Variants in SARNP observed in about 807,000 individuals in gnomAD.
SARNP encodes the protein SAP domain containing ribonucleoprotein.
A neutral mutation model predicts 38.1 loss-of-function variants in SARNP; 5 were observed. That is an observed-to-expected ratio of 0.13 (90% CI 0.07 to 0.28). The LOEUF (loss-of-function observed/expected upper bound fraction) is 0.28, where lower values mean the gene tolerates loss of function less well. SARNP is among the 10% of genes least tolerant of loss of function. The pLI, the probability that SARNP is intolerant of heterozygous loss-of-function variation, is 1.00. For missense variants in SARNP, 180 were observed against 243.9 expected (o/e 0.74, Z 1.75); for synonymous variants, 84 against 80.6 (o/e 1.04, Z -0.23).
chr12:55,798,754 C>CT (rs1879890531), intron 4 of SARNP, among the ~76,000 whole-genome samples: 1 of 152,146 alleles, frequency 6.6e-6, no homozygotes, highest in African/African-American at 2.4e-5. Context: ...GAACAAGGTT[C>CT]TAAGTTGATA....
chr12:55,765,428 T>C (rs1327969669), intron 9 of SARNP, among the ~76,000 whole-genome samples: 3 of 152,088 alleles, frequency 2.0e-5, no homozygotes, highest in Non-Finnish European at 2.9e-5. Context: ...CACTGTAATG[T>C]TGAATCCCTG....
Position 55,776,657 on chromosome 12 carries a change from T to C in SARNP, c.501+12418A>G, listed in dbSNP as rs377100295. 8.5e-4 allele frequency among the ~76,000 whole-genome samples: 129 copies of C among 152,278 alleles called. 1 individual carries two copies. The South Asian group carries it at 0.021, about 25-fold the overall frequency. On this transcript the variant is annotated intron_variant, in intron 9 of 10. Transcript: ENST00000336133. ...TACTTGGATTCAGAGAGCTCACATT[T>C]CACCACAGCTGGGGAGAGTATCTGG...
At chr12:55,772,381 G>C (rs1028280033) in intron 9 of SARNP, among the ~76,000 whole-genome samples, 9 of 152,100 alleles carry the variant, frequency 5.9e-5, no homozygotes, top group African/African-American at 1.4e-4. Context: ...TATCTTCACA[G>C]GATTTGAAGC....
At chr12:55,756,681 C>CACTGCTTATGT (rs1282989030), downstream of SARNP, 1 of 152,202 alleles carries the variant, frequency 6.6e-6, no homozygotes, top group African/African-American at 2.4e-5. Flanking sequence ...AACTTGAAGC[C>CACTGCTTATGT]TCCAGTTCCA....
chr12:55,755,811 C>T (rs960553222), downstream of SARNP: 1 of 150,980 alleles, frequency 6.6e-6, no homozygotes, highest in Non-Finnish European at 1.5e-5. Flanking sequence ...AAAATCCTCA[C>T]AAATTGGAAA....
At position 55,760,811 on chromosome 12, in the gene SARNP, A is replaced by G; in HGVS notation, c.502-171T>C. On this transcript the variant is annotated intron_variant, in intron 9 of 10. Coordinates refer to ENST00000336133, the MANE Select transcript of SARNP (RefSeq NM_033082.4). ...GAAACTGAATAAGCTAGCATATACT[A>G]TGTTGTACCTAGAATGACTAAAAAC... 3 of 568,378 alleles carry G rather than the reference A, an allele frequency of 5.3e-6. No homozygotes were observed. The South Asian group carries it at 7.3e-5, about 14-fold the overall frequency. 35.2% of individuals were successfully genotyped at this position (568,378 alleles called of 1,614,324 possible).
At chr12:55,783,807 AT>A (rs1282043019) in intron 9 of SARNP, among the ~76,000 whole-genome samples, 1 of 152,088 alleles carries the variant, frequency 6.6e-6, no homozygotes, top group African/African-American at 2.4e-5. Flanking sequence ...TTAAAAAAAA[AT>A]TAGGCTGCGC....
intron 1 of SARNP, among the ~76,000 whole-genome samples, chr12:55,804,750 A>G (rs1400613810): frequency 6.6e-6 from 1 of 152,108 alleles, no homozygotes; most frequent in Non-Finnish European, 1.5e-5. Context: ...AGCAGGAAAG[A>G]AAGGCTCCAG....
chr12:55,764,887 A>AT (rs1878784076), intron 9 of SARNP, among the ~76,000 whole-genome samples: 1 of 151,568 alleles, frequency 6.6e-6, no homozygotes. Flanking sequence ...GTCCCACCAC[A>AT]TTTTTTACTA....
chr12:55,759,878 T>C (rs931297579), intron 10 of SARNP, among the ~76,000 whole-genome samples: 6 of 152,010 alleles, frequency 3.9e-5, no homozygotes, highest in African/African-American at 1.2e-4. Context: ...GCTGGGACTA[T>C]AGGTGTGTGC....
In SARNP at chr12:55,794,367, G is replaced by A; in HGVS notation, c.398C>T (p.Pro133Leu). 1 of 1,607,074 alleles carries A rather than the reference G, an allele frequency of 6.2e-7. No homozygotes were observed. Among genetic ancestry groups the A allele is most frequent in the Non-Finnish European group, 8.5e-7 (1 of 1,177,948 alleles). The change falls in exon 7 of 11, where the codon CCA becomes CTA. Residue 133 changes from proline to leucine, a missense_variant. By Grantham distance (98) the Pro-to-Leu change is moderately conservative (BLOSUM62 -3). This residue lies in a region of SARNP where 161 missense variants were observed against 194.1 expected (regional missense o/e 0.83). Transcript: ENST00000336133. Reference sequence around the variant, plus strand: ...TATCTCTGTACTCTTACCTTTTGTTGGAACTGAAGAAATCCCAAACCTGAA... The same window carrying A: ...TATCTCTGTACTCTTACCTTTTGTTAGAACTGAAGAAATCCCAAACCTGAA... Reference protein sequence around the residue: ...RAARFGISSVPTKGLSSDNKP... With the variant: ...RAARFGISSVLTKGLSSDNKP...
At chr12:55,786,048 T>C (rs1204162376) in intron 9 of SARNP, among the ~76,000 whole-genome samples, 1 of 152,124 alleles carries the variant, frequency 6.6e-6, no homozygotes, top group Non-Finnish European at 1.5e-5. Flanking sequence ...AAAGTTAACA[T>C]ATGTATCTGT....
intron 5 of SARNP, 71 bp downstream of exon 5, chr12:55,795,954 T>C (rs527958072): frequency 1.1e-5 from 12 of 1,064,072 alleles, no homozygotes; most frequent in African/African-American, 1.6e-5. Context: ...TAGAGGATGA[T>C]GCAGATATAA....
chr12:55,753,171 A>C (rs138730217), downstream of SARNP: 8 of 152,366 alleles, frequency 5.3e-5, no homozygotes, highest in African/African-American at 1.9e-4. Context: ...ACAGAATGGA[A>C]GATCTAAAGG....
chr12:55,790,420 T>C, intron 8 of SARNP, 147 bp downstream of exon 8: 2 of 881,276 alleles, frequency 2.3e-6, no homozygotes, highest in South Asian at 4.1e-5. Flanking sequence ...AACAATTTTT[T>C]AAATTCAAGA....
At chr12:55,783,640 A>T (rs954303830) in intron 9 of SARNP, among the ~76,000 whole-genome samples, 3 of 152,184 alleles carry the variant, frequency 2.0e-5, no homozygotes, top group Non-Finnish European at 2.9e-5. Flanking sequence ...GTAGTGCCTG[A>T]TATGTGTATA....
intron 9 of SARNP, among the ~76,000 whole-genome samples, chr12:55,761,258 G>C (rs1878667536): frequency 6.6e-6 from 1 of 152,072 alleles, no homozygotes; most frequent in South Asian, 2.1e-4. Flanking sequence ...TGGCAGTTGA[G>C]GGATATGGAA....
chr12:55,814,816 C>A (rs1359229405), intron 1 of SARNP, among the ~76,000 whole-genome samples: 1 of 151,798 alleles, frequency 6.6e-6, no homozygotes, highest in Admixed American at 6.6e-5. Context: ...TTGCAGCGAG[C>A]CGAGATCTTG....
chr12:55,753,333 G>C (rs1051489820), downstream of SARNP: 1 of 152,168 alleles, frequency 6.6e-6, no homozygotes, highest in African/African-American at 2.4e-5. Flanking sequence ...AACTTGCCTT[G>C]TTACACAAGA....
Sources: allele counts gnomAD v4.1 joint callset (sites outside exome capture counted in the v4.1 genomes callset), GRCh38; gene constraint gnomAD v4.1.1; regional missense constraint gnomAD v4.1.1; transcripts MANE v1.5; gene names NCBI Gene and HGNC (gene_info 2026-07-23, HGNC 2026-07-21).